Variants in HAS2 observed in about 807,000 individuals in gnomAD.
HAS2 encodes hyaluronan synthase 2.
A neutral mutation model predicts 51.6 loss-of-function variants in HAS2; 16 were observed. The ratio of observed to expected loss-of-function variants is 0.31; its 90% CI spans 0.21 to 0.47. HAS2 has a LOEUF of 0.47. Ranked by LOEUF, HAS2 falls within the 20% of genes least tolerant of loss-of-function variation. The pLI is 1.00. For missense variants in HAS2, 361 were observed against 662.6 expected, an observed-to-expected ratio of 0.54 and a Z score of 5.00; for synonymous variants, 228 against 235.5, an observed-to-expected ratio of 0.97 and a Z score of 0.29.
chr8:121,640,446 G>GTGTGTGTGTGT (rs1563625817), intron 1 of HAS2, among the ~76,000 whole-genome samples: 3 of 121,770 alleles, frequency 2.5e-5, no homozygotes, highest in South Asian at 5.0e-4. Context: ...TGTGTGTGTG[G>GTGTGTGTGTGT]GAAAAAAAGA....
chr8:121,615,915 AC>A (rs536507256), intron 3 of HAS2, among the ~76,000 whole-genome samples: 35 of 152,154 alleles, frequency 2.3e-4, no homozygotes, highest in Non-Finnish European at 4.4e-4. Context: ...CTAGATTTCT[AC>A]ATTCTCTCCT....
At chr8:121,635,942 T>C (rs1298443542) in intron 1 of HAS2, among the ~76,000 whole-genome samples, 1 of 152,248 alleles carries the variant, frequency 6.6e-6, no homozygotes, top group South Asian at 2.1e-4. Context: ...AATCTGCTTC[T>C]AAGCAGACAT....
intron 2 of HAS2, among the ~76,000 whole-genome samples, chr8:121,624,803 T>C (rs1467865670): frequency 6.6e-6 from 1 of 152,064 alleles, no homozygotes; most frequent in Non-Finnish European, 1.5e-5. Context: ...AATTATATAA[T>C]CAAGACATCC....
chr8:121,620,038 C>G (rs1238554111), intron 2 of HAS2, among the ~76,000 whole-genome samples: 2 of 152,070 alleles, frequency 1.3e-5, no homozygotes, highest in Non-Finnish European at 2.9e-5. Flanking sequence ...AGCAAAGTGC[C>G]AGAAGTTCTC....
intron 2 of HAS2, among the ~76,000 whole-genome samples, chr8:121,624,490 G>A (rs1325415934): frequency 1.3e-5 from 2 of 152,146 alleles, no homozygotes; most frequent in African/African-American, 4.8e-5. Context: ...TTACTGAGTA[G>A]ACAAATTTGC....
intron 1 of HAS2, among the ~76,000 whole-genome samples, chr8:121,637,215 A>G (rs1449288807): frequency 6.6e-6 from 1 of 152,154 alleles, no homozygotes; most frequent in Non-Finnish European, 1.5e-5. Flanking sequence ...AATTATCTGC[A>G]GTACAGATGT....
rs1812669048 is a variant in HAS2, at chr8:121,613,978, A to T, written c.*131T>A. Reference sequence around the variant, plus strand: ...TGGCAGAATGAAAATAAACCCATATAAATGTCTTTGTTCAAGTCCCAGCAG... The same window carrying T: ...TGGCAGAATGAAAATAAACCCATATTAATGTCTTTGTTCAAGTCCCAGCAG... On this transcript the variant is annotated 3_prime_UTR_variant, in exon 4 of 4. Coordinates refer to ENST00000303924, the MANE Select transcript of HAS2 (RefSeq NM_005328.3). 1 of 1,370,816 alleles carries T rather than the reference A, an allele frequency of 7.3e-7. No individual in the cohort carries two copies. Among genetic ancestry groups the T allele is most frequent in the African/African-American group, 1.4e-5 (1 of 69,330 alleles). The allele number at this position is 1,370,816 out of a possible 1,614,324, so 84.9% of individuals were successfully genotyped here.
intron 2 of HAS2, among the ~76,000 whole-genome samples, chr8:121,622,284 A>C (rs1352752871): frequency 6.6e-6 from 1 of 152,158 alleles, no homozygotes; most frequent in Non-Finnish European, 1.5e-5. Flanking sequence ...GTACAACCTC[A>C]GAGCAAACAC....
chr8:121,615,007 A>T lies in HAS2; in HGVS notation c.761T>A (p.Phe254Tyr). The T allele has an allele frequency of 1.2e-6, 2 of 1,608,010 alleles. No individual in the cohort carries two copies. The highest frequency in any genetic ancestry group is 1.7e-6 in the Non-Finnish European group (2 of 1,176,868). ...ILNKYDSWIS[F>Y]LSSVRYWMAF... Reference sequence around the variant, plus strand: ...CATCCAATATCTTACACTGCTGAGGAATGAGATCCAGGAATCGTACTTGTT... The same window carrying T: ...CATCCAATATCTTACACTGCTGAGGTATGAGATCCAGGAATCGTACTTGTT... Residue 254 changes from phenylalanine to tyrosine, a missense_variant, in exon 4 of 4, where the codon TTC (phenylalanine) becomes TAC (tyrosine). Around this residue, in one of 5 missense-constraint regions of HAS2, gnomAD observed 49 missense variants for 108.3 expected, o/e 0.45. Coordinates refer to ENST00000303924, the MANE Select transcript of HAS2 (RefSeq NM_005328.3).
At chr8:121,634,239 G>A (rs1201740509) in intron 1 of HAS2, among the ~76,000 whole-genome samples, 7 of 151,910 alleles carry the variant, frequency 4.6e-5, no homozygotes, top group African/African-American at 1.2e-4. Flanking sequence ...TACCGTGCCC[G>A]GCCAGAGTTA....
chr8:121,621,387 T>A (rs1181222219), intron 2 of HAS2, among the ~76,000 whole-genome samples: 1 of 152,224 alleles, frequency 6.6e-6, no homozygotes, highest in East Asian at 1.9e-4. Flanking sequence ...AACTTACTAC[T>A]TCTATAACCT....
In HAS2 at chr8:121,617,120, A is replaced by G; in HGVS notation, c.714T>C (p.Val238=). Residue 238 remains valine, a synonymous_variant, in exon 3 of 4, where the codon GTT becomes GTC. Coordinates refer to ENST00000303924, the MANE Select transcript of HAS2 (RefSeq NM_005328.3). The stretch of plus-strand genomic sequence containing the variant: ...AGCCATGTACCTGGACATCTCCCCC[A>G]ACACCTCCAACCATGGGATCTTCTT... The part of the protein sequence containing the change: ...VLEEDPMVGG[V]GGDVQILNKY... The G allele has an allele frequency of 1.9e-6, 3 of 1,600,382 alleles. No homozygotes were observed. The highest frequency in any genetic ancestry group is 2.6e-6 in the Non-Finnish European group (3 of 1,167,546).
chr8:121,637,459 TG>T (rs1169461841), intron 1 of HAS2, among the ~76,000 whole-genome samples: 1 of 150,826 alleles, frequency 6.6e-6, no homozygotes, highest in African/African-American at 2.4e-5. Flanking sequence ...GGTGAGATCT[TG>T]GCTCACTACA....
intron 1 of HAS2, 99 bp from the exon 2 acceptor site, chr8:121,629,439 G>T: frequency 1.0e-6 from 1 of 988,124 alleles, no homozygotes; most frequent in Non-Finnish European, 1.5e-6. Flanking sequence ...GAAGCATTCA[G>T]GAGTTTTAAC....
intron 1 of HAS2, among the ~76,000 whole-genome samples, chr8:121,637,807 C>T (rs1407557123): frequency 1.3e-5 from 2 of 152,174 alleles, no homozygotes; most frequent in African/African-American, 4.8e-5. Flanking sequence ...GCTGTCCCTC[C>T]ACTCTGTTGG....
chr8:121,623,361 GTCAC>G (rs1812800086), intron 2 of HAS2, among the ~76,000 whole-genome samples: 2 of 152,118 alleles, frequency 1.3e-5, no homozygotes, highest in Non-Finnish European at 2.9e-5. Flanking sequence ...ACCAAATGCT[GTCAC>G]CTCTAAGGCT....
chr8:121,614,703 G>A lies in HAS2; in HGVS notation c.1065C>T (p.Ser355=). The A allele has an allele frequency of 6.2e-7, 1 of 1,614,110 alleles. No individual in the cohort carries two copies. The highest frequency in any genetic ancestry group is 8.5e-7 in the Non-Finnish European group (1 of 1,179,940). The part of the protein sequence containing the change: ...LRWLNQQTRW[S]KSYFREWLYN... ...ACAGCCATTCTCGGAAGTAGGACTTGCTCCAACGGGTCTGCTGGTTTAGCC... is the reference window on the plus strand; with the variant it reads ...ACAGCCATTCTCGGAAGTAGGACTTACTCCAACGGGTCTGCTGGTTTAGCC... Residue 355 remains serine, a synonymous_variant, in exon 4 of 4, where the codon AGC becomes AGT. Coordinates refer to ENST00000303924, the MANE Select transcript of HAS2 (RefSeq NM_005328.3). This position sits in a 1 kb window ranked among gnomAD's most constrained non-coding sequence, Gnocchi z 7.2.
intron 2 of HAS2, among the ~76,000 whole-genome samples, chr8:121,619,033 A>G (rs996562253): frequency 6.6e-6 from 1 of 152,108 alleles, no homozygotes. Flanking sequence ...CGTTAGATAC[A>G]TGTAGCATGA....
intron 2 of HAS2, among the ~76,000 whole-genome samples, chr8:121,625,237 G>T (rs1207194650): frequency 6.6e-6 from 1 of 151,814 alleles, no homozygotes; most frequent in Non-Finnish European, 1.5e-5. Flanking sequence ...ACATTGGAAA[G>T]TGTCAATCAG....
Sources: gnomAD v4.1 joint callset for allele counts (sites outside exome capture counted in the v4.1 genomes callset) on GRCh38, gnomAD v4.1.1 for gene constraint, gnomAD v4.1.1 regional missense constraint, Gnocchi (gnomAD v3.1) non-coding constraint, MANE v1.5 for transcripts, NCBI Gene and HGNC (gene_info 2026-07-23, HGNC 2026-07-21) for gene names.